Variants in PTPN4 observed in about 807,000 individuals in gnomAD.
PTPN4 encodes tyrosine-protein phosphatase non-receptor type 4.
PTPN4 carries 49 observed loss-of-function variants against 135.5 expected under a neutral mutation model. The observed-to-expected ratio is 0.36, with a 90% CI of 0.29 to 0.46. The LOEUF is 0.46. PTPN4 is among the 20% of genes least tolerant of loss of function. The pLI, the probability that PTPN4 is intolerant of heterozygous loss-of-function variation, is 1.00. For missense variants in PTPN4, 860 were observed against 1,101.0 expected (o/e 0.78, Z 3.10); for synonymous variants, 333 against 369.9 (o/e 0.90, Z 1.14).
intron 1 of PTPN4, among the ~76,000 whole-genome samples, chr2:119,776,903 TAGAC>T (rs1428535877): frequency 6.6e-6 from 1 of 152,198 alleles, no homozygotes; most frequent in Non-Finnish European, 1.5e-5. Context: ...ATGGAGAAAT[TAGAC>T]AGTGCAGGGG....
At chr2:119,915,264 A>G in intron 11 of PTPN4, 22 bp downstream of exon 11, 2 of 1,490,682 alleles carry the variant, frequency 1.3e-6, no homozygotes, top group Non-Finnish European at 1.8e-6. Context: ...TTTAATAATT[A>G]TTGACATAAA....
chr2:119,795,230 C>A (rs1445796801), intron 1 of PTPN4, among the ~76,000 whole-genome samples: 2 of 152,178 alleles, frequency 1.3e-5, no homozygotes, highest in Non-Finnish European at 2.9e-5. Flanking sequence ...AAAGGCACCA[C>A]AAGTTCCCAC....
intron 2 of PTPN4, among the ~76,000 whole-genome samples, chr2:119,836,584 T>G (rs953050828): frequency 6.6e-6 from 1 of 152,198 alleles, no homozygotes; most frequent in African/African-American, 2.4e-5. Context: ...CCTTTCCAAG[T>G]TGGCAGAGTG....
intron 1 of PTPN4, among the ~76,000 whole-genome samples, chr2:119,806,814 C>A (rs1387036867): frequency 5.3e-5 from 8 of 152,108 alleles, no homozygotes; most frequent in Admixed American, 5.2e-4. Flanking sequence ...CCAAAATTGA[C>A]CACATAGTTG....
chr2:119,915,129 TA>T (rs1311628781), intron 10 of PTPN4, 49 bp from the exon 11 acceptor site: 1 of 1,391,696 alleles, frequency 7.2e-7, no homozygotes, highest in Non-Finnish European at 9.7e-7. Context: ...AATTTGTTAA[TA>T]TTTTTATCAT....
intron 20 of PTPN4, among the ~76,000 whole-genome samples, chr2:119,956,524 A>T (rs917792765): frequency 6.6e-5 from 10 of 152,164 alleles, no homozygotes; most frequent in Admixed American, 1.3e-4. Flanking sequence ...TAGACTGTAA[A>T]CACCTCCAAA....
intron 1 of PTPN4, among the ~76,000 whole-genome samples, chr2:119,764,324 C>T (rs779737949): frequency 6.6e-6 from 1 of 152,136 alleles, no homozygotes; most frequent in Non-Finnish European, 1.5e-5. Flanking sequence ...ATAGGAGTTC[C>T]CCGGTGCTTA....
intron 1 of PTPN4, among the ~76,000 whole-genome samples, chr2:119,760,967 A>T (rs939619117): frequency 2.0e-5 from 3 of 151,194 alleles, no homozygotes; most frequent in African/African-American, 7.3e-5. Flanking sequence ...TGCACAGGTG[A>T]TGTGTGGATG....
intron 3 of PTPN4, among the ~76,000 whole-genome samples, chr2:119,865,609 G>A (rs1210305570): frequency 2.6e-5 from 4 of 152,012 alleles, no homozygotes; most frequent in African/African-American, 9.7e-5. Context: ...ACATATTAAG[G>A]AGAGGAGGTA....
chr2:119,913,205 C>T (rs1558762543), intron 10 of PTPN4, among the ~76,000 whole-genome samples: 1 of 152,026 alleles, frequency 6.6e-6, no homozygotes, highest in South Asian at 2.1e-4. Flanking sequence ...GACATGTTTT[C>T]ATTTTTCATG....
At chr2:119,969,760 A>G (rs1428335957) in intron 26 of PTPN4, among the ~76,000 whole-genome samples, 1 of 151,854 alleles carries the variant, frequency 6.6e-6, no homozygotes, top group Non-Finnish European at 1.5e-5. Context: ...GGGTTTCACC[A>G]TGTTAGCCAG....
At chr2:119,891,003 A>G (rs1237201292) in intron 9 of PTPN4, among the ~76,000 whole-genome samples, 1 of 152,112 alleles carries the variant, frequency 6.6e-6, no homozygotes, top group Admixed American at 6.5e-5. Flanking sequence ...CACTTCTGCT[A>G]TTTTTAGGAT....
intron 20 of PTPN4, among the ~76,000 whole-genome samples, chr2:119,955,929 T>C (rs1361476906): frequency 6.6e-6 from 1 of 150,788 alleles, no homozygotes; most frequent in Non-Finnish European, 1.5e-5. Flanking sequence ...AGAGTGAGAC[T>C]CCATCTCAAA....
chr2:119,802,097 G>T (rs535634062), intron 1 of PTPN4, among the ~76,000 whole-genome samples: 1 of 151,916 alleles, frequency 6.6e-6, no homozygotes, highest in Non-Finnish European at 1.5e-5. Context: ...GAGAGACGGG[G>T]TTTCACCCTG....
chr2:119,845,268 GGGAGAGGGAGAGGGAGAGGGAGAGGGA>G (rs1677478010), intron 2 of PTPN4, among the ~76,000 whole-genome samples: 4 of 100,522 alleles, frequency 4.0e-5, no homozygotes, highest in Admixed American at 1.0e-4. Flanking sequence ...GGGAGGGGGA[GGGAGAGGGAGAGGGAGAGGGAGAGGGA>G]GAGGGCATTT....
intron 9 of PTPN4, among the ~76,000 whole-genome samples, chr2:119,890,589 C>T (rs1023459597): frequency 6.6e-6 from 1 of 151,894 alleles, no homozygotes; most frequent in Admixed American, 6.6e-5. Flanking sequence ...TTCTGTGTTT[C>T]TTTCTTTTTC....
chr2:119,848,522 CT>C (rs1401875001), intron 2 of PTPN4, among the ~76,000 whole-genome samples: 1 of 151,736 alleles, frequency 6.6e-6, no homozygotes, highest in Non-Finnish European at 1.5e-5. Context: ...CTCTCCTCTC[CT>C]TCTGGTACTG....
intron 2 of PTPN4, among the ~76,000 whole-genome samples, chr2:119,816,501 G>A (rs2104952769): frequency 6.6e-6 from 1 of 152,350 alleles, no homozygotes; most frequent in Middle Eastern, 3.4e-3. Context: ...GGACTTGGGT[G>A]TGGGGCAATG....
At chr2:119,869,764 A>G (rs1007186296) in intron 3 of PTPN4, among the ~76,000 whole-genome samples, 2 of 152,222 alleles carry the variant, frequency 1.3e-5, no homozygotes, top group Admixed American at 1.3e-4. Context: ...GTCAAATAGT[A>G]CACTCATGAA....
Sources: allele counts gnomAD v4.1 joint callset (sites outside exome capture counted in the v4.1 genomes callset), GRCh38; gene constraint gnomAD v4.1.1; transcripts MANE v1.5; gene names NCBI Gene and HGNC (gene_info 2026-07-23, HGNC 2026-07-21).